Variants in CEL observed in about 807,000 individuals in gnomAD.
CEL encodes carboxyl ester lipase.
CEL carries 39 observed loss-of-function variants against 57.1 expected under a neutral mutation model. The observed-to-expected ratio is 0.68, with a 90% CI of 0.53 to 0.89. CEL has a LOEUF of 0.89. Among genes scored for constraint, CEL ranks in the 40% least tolerant of loss-of-function variants. The pLI, the probability that CEL is intolerant of heterozygous loss-of-function variation, is 0.00. For synonymous variants in CEL, 314 were observed against 396.6 expected, an observed-to-expected ratio of 0.79 and a Z score of 2.48; for missense variants, 698 against 915.0, an observed-to-expected ratio of 0.76 and a Z score of 3.06.
At position 133,071,534 on chromosome 9, in the gene CEL, C is replaced by A. The variant is rs490954; in HGVS notation, c.2032C>A (p.Pro678Thr). Residue 678 changes from proline to threonine, a missense_variant, in exon 11 of 11, where the codon CCC becomes ACC. This residue lies in a region of CEL where 238 missense variants were observed against 213.7 expected (regional missense o/e 1.11). Coordinates refer to ENST00000372080, the MANE Select transcript of CEL (RefSeq NM_001807.6). ...CGTGCCGCCCACGGGTGACGCCGGG[C>A]CCCCCCCCGTGCCGCCCACGGGTGA... ...PPVPPTGDAG[P>T]PPVPPTGDSG... is the part of the protein sequence containing the mutation. 1.5e-6 allele frequency: 1 copy of A among 673,384 alleles called. No individual in the cohort carries two copies. The highest frequency in any genetic ancestry group is 2.0e-5 in the South Asian group (1 of 49,338). 41.7% of individuals were successfully genotyped at this position (673,384 alleles called of 1,614,324 possible).
Position 133,064,283 on chromosome 9 carries a change from A to C in CEL, c.67-121A>C, listed in dbSNP as rs73662424. On this transcript the variant is annotated intron_variant, in intron 1 of 10. Coordinates refer to ENST00000372080, the MANE Select transcript of CEL (RefSeq NM_001807.6). The stretch of plus-strand genomic sequence containing the variant: ...GGTGCTGCCTGGGTCTCCTGTGCAG[A>C]GCTGTCCTGCTTTGAAGCTGTCTTT... The C allele has an allele frequency of 8.2e-3, 11,056 of 1,345,208 alleles. 691 individuals carry two copies. The African/African-American group carries it at 0.14, about 17-fold the overall frequency. The allele number at this position is 1,345,208 out of a possible 1,614,324, so 83.3% of individuals were successfully genotyped here.
In CEL at chr9:133,065,078, G is replaced by A. The variant is rs1830154189; in HGVS notation, c.379G>A (p.Gly127Ser). The A allele has an allele frequency of 6.2e-7, 1 of 1,613,838 alleles. No homozygotes were observed. The highest frequency in any genetic ancestry group is 1.1e-5 in the South Asian group (1 of 91,086). ...DLPVMIWIYG[G>S]AFLMGSGHGA... Reference sequence around the variant, plus strand: ...GCCCGTTATGATCTGGATCTATGGAGGCGCCTTCCTCATGGGGTCCGGCCA... The same window carrying A: ...GCCCGTTATGATCTGGATCTATGGAAGCGCCTTCCTCATGGGGTCCGGCCA... Residue 127 changes from glycine to serine, a missense_variant, in exon 4 of 11, where the codon GGC becomes AGC. Physicochemically the swap from Gly to Ser is moderately conservative, Grantham distance 56. Transcript: ENST00000372080.
At chr9:133,067,596 G>A (rs1830201590) in intron 7 of CEL, among the ~76,000 whole-genome samples, 1 of 152,106 alleles carries the variant, frequency 6.6e-6, no homozygotes, top group South Asian at 2.1e-4. Flanking sequence ...GATGATCTCG[G>A]TCTTGGGACC....
At position 133,066,270 on chromosome 9, in the gene CEL, C is replaced by A. The variant is rs1432516122; in HGVS notation, c.539-260C>A. ...CAACCCAACCTCCTGGGGACCCACCCCATACAGCACCGCACCCGACTCAGC... is the reference window on the plus strand; with the variant it reads ...CAACCCAACCTCCTGGGGACCCACCACATACAGCACCGCACCCGACTCAGC... On this transcript the variant is annotated intron_variant, in intron 4 of 10. Transcript: ENST00000372080. This position sits in a 1 kb window ranked among gnomAD's most constrained non-coding sequence, Gnocchi z 4.3. Among the ~76,000 whole-genome samples the A allele has an allele frequency of 6.6e-6, 1 of 151,968 alleles. No homozygotes were observed. The highest frequency in any genetic ancestry group is 2.4e-5 in the African/African-American group (1 of 41,338).
chr9:133,064,066 T>G (rs147877366), intron 1 of CEL, among the ~76,000 whole-genome samples: 39 of 152,154 alleles, frequency 2.6e-4, no homozygotes, highest in African/African-American at 8.9e-4. Context: ...GTCTTCCACA[T>G]GGGGAAACTG....
chr9:133,070,333 C>G (rs1330867985), intron 9 of CEL, 128 bp from the exon 10 acceptor site: 13 of 742,674 alleles, frequency 1.8e-5, no homozygotes, highest in Non-Finnish European at 2.7e-5. Context: ...GTAAGAAGCC[C>G]CATCTCTTCA....
At chr9:133,065,614 A>G (rs2119060869) in intron 4 of CEL, among the ~76,000 whole-genome samples, 1 of 152,212 alleles carries the variant, frequency 6.6e-6, no homozygotes, top group East Asian at 1.9e-4. Flanking sequence ...TGGGAGCCCA[A>G]GGTGGGTAGA....
At chr9:133,063,361 C>T (rs1011330002) in intron 1 of CEL, among the ~76,000 whole-genome samples, 3 of 152,220 alleles carry the variant, frequency 2.0e-5, no homozygotes, top group Admixed American at 6.5e-5. Flanking sequence ...GGGATGCCCA[C>T]GATGCCTGCA....
chr9:133,070,220 G>A (rs1830238918), intron 9 of CEL, among the ~76,000 whole-genome samples: 1 of 147,668 alleles, frequency 6.8e-6, no homozygotes, highest in Non-Finnish European at 1.5e-5. Context: ...ATTCTAGAAG[G>A]AAGGTGCCTC....
chr9:133,063,727 G>T (rs555381754), intron 1 of CEL, among the ~76,000 whole-genome samples: 6 of 152,204 alleles, frequency 3.9e-5, no homozygotes, highest in African/African-American at 7.2e-5. Context: ...GGCCCCTCGT[G>T]GGGGTGGACA....
At chr9:133,065,382 A>G in intron 4 of CEL, 145 bp downstream of exon 4, 1 of 948,706 alleles carries the variant, frequency 1.1e-6, no homozygotes, top group Non-Finnish European at 1.7e-6. Flanking sequence ...GAGATGCAGG[A>G]GGCCCTTGGT....
Position 133,067,100 on chromosome 9 carries a change from G to T in CEL, c.790G>T (p.Val264Leu). The change falls in exon 7 of 11, where the codon GTG becomes TTG. Residue 264 changes from valine to leucine, a missense_variant. Around this residue, in one of 6 missense-constraint regions of CEL, gnomAD observed 327 missense variants for 374.1 expected, o/e 0.87. Coordinates refer to ENST00000372080, the MANE Select transcript of CEL (RefSeq NM_001807.6). ...GTTCTGCCCCCAGGTGGCTGAGAAG[G>T]TGGGTTGCCCTGTGGGTGATGCCGC... ...LFWAKKVAEK[V>L]GCPVGDAARM... The T allele has an allele frequency of 1.2e-6, 2 of 1,614,148 alleles. No individual in the cohort carries two copies. Among genetic ancestry groups the T allele is most frequent in the Non-Finnish European group, 1.7e-6 (2 of 1,180,024 alleles).
At chr9:133,063,348 C>T (rs1830121946) in intron 1 of CEL, among the ~76,000 whole-genome samples, 1 of 152,194 alleles carries the variant, frequency 6.6e-6, no homozygotes, top group Admixed American at 6.5e-5. Flanking sequence ...AGATGCCTCG[C>T]AGGGGATGCC....
In CEL at chr9:133,064,415, G is replaced by A; in HGVS notation, c.78G>A (p.Val26=). 1.2e-6 allele frequency: 2 copies of A among 1,614,076 alleles called. No individual in the cohort carries two copies. The highest frequency in any genetic ancestry group is 1.7e-6 in the Non-Finnish European group (2 of 1,180,022). Reference sequence around the variant, plus strand: ...TGTCTCCCTCGCAGCTGGGCGCCGTGTACACAGAAGGTGGGTTCGTGGAAG... The same window carrying A: ...TGTCTCCCTCGCAGCTGGGCGCCGTATACACAGAAGGTGGGTTCGTGGAAG... ...AVASAAKLGA[V]YTEGGFVEGV... Residue 26 remains valine, a synonymous_variant, in exon 2 of 11, where the codon GTG becomes GTA. Coordinates refer to ENST00000372080, the MANE Select transcript of CEL (RefSeq NM_001807.6).
chr9:133,070,882 A>T (rs1812098776), intron 10 of CEL, 105 bp from the exon 11 acceptor site: 6 of 1,403,036 alleles, frequency 4.3e-6, no homozygotes, highest in Non-Finnish European at 5.9e-6. Context: ...CATGGTGCCC[A>T]GGGCCAGCTC....
chr9:133,071,808 C>T lies in CEL; in HGVS notation c.*44C>T. ...ATCAAGAGGCCACAAGAGTGGGACC[C>T]CAGGGGCTCCCCTCCCATCTTGAGC... is the stretch of plus-strand genomic sequence containing the variant. On this transcript the variant is annotated 3_prime_UTR_variant, in exon 11 of 11. Coordinates refer to ENST00000372080, the MANE Select transcript of CEL (RefSeq NM_001807.6). 6.4e-7 allele frequency: 1 copy of T among 1,550,828 alleles called. No individual in the cohort carries two copies. Among genetic ancestry groups the T allele is most frequent in the Non-Finnish European group, 8.9e-7 (1 of 1,125,066 alleles).
At position 133,071,149 on chromosome 9, in the gene CEL, G is replaced by A. The variant is rs373048848; in HGVS notation, c.1647G>A (p.Leu549=). The change falls in exon 11 of 11, where the codon CTG becomes CTA. Residue 549 remains leucine, a synonymous_variant. Transcript: ENST00000372080. The stretch of plus-strand genomic sequence containing the variant: ...ACTGGACCCTCACCTATCTGGCGCT[G>A]CCCACAGTGACCGACCAGGAGGCCA... ...LRYWTLTYLA[L]PTVTDQEATP... 2.9e-4 allele frequency: 473 copies of A among 1,606,794 alleles called. 4 individuals carry two copies. Among genetic ancestry groups the A allele is most frequent in the Non-Finnish European group, 3.4e-4 (400 of 1,177,918 alleles).
chr9:133,063,690 CAG>C (rs1247617935), intron 1 of CEL, among the ~76,000 whole-genome samples: 1 of 152,300 alleles, frequency 6.6e-6, no homozygotes, highest in Middle Eastern at 3.4e-3. Flanking sequence ...CCGTCAGGGA[CAG>C]AGGGTGGATG....
In CEL at chr9:133,066,740, G is replaced by T; in HGVS notation, c.669+80G>T. 6.2e-7 allele frequency: 1 copy of T among 1,607,350 alleles called. No homozygotes were observed. Among genetic ancestry groups the T allele is most frequent in the Non-Finnish European group, 8.5e-7 (1 of 1,175,248 alleles). On this transcript the variant is annotated intron_variant, in intron 5 of 10. Transcript: ENST00000372080. This position sits in a 1 kb window ranked among gnomAD's most constrained non-coding sequence, Gnocchi z 4.3. ...CGGGAAGGGGAGGGTGGGAGGAGGA[G>T]CGTGGAGCTGGGGCTGTGGTGCTGG...
Sources: allele counts gnomAD v4.1 joint callset (sites outside exome capture counted in the v4.1 genomes callset), GRCh38; gene constraint gnomAD v4.1.1; regional missense constraint gnomAD v4.1.1; non-coding constraint Gnocchi (gnomAD v3.1); transcripts MANE v1.5; gene names NCBI Gene and HGNC (gene_info 2026-07-23, HGNC 2026-07-21).